NEBL: variants seen among roughly 807,000 people sequenced by gnomAD.
NEBL encodes the protein LIM and SH3 protein 2.
Under a neutral mutation model 140.2 loss-of-function variants are expected in NEBL, and 122 were observed. That is an observed-to-expected ratio of 0.87 (90% confidence interval 0.75 to 1.01). NEBL has a LOEUF of 1.01. NEBL is among the 50% of genes least tolerant of loss of function. The pLI is 0.00. For synonymous variants in NEBL, 436 were observed against 398.9 expected (o/e 1.09, Z -1.11); for missense variants, 1,365 against 1,231.3 (o/e 1.11, Z -1.62).
At chr10:21,127,497 A>G (rs927700216) in intron 2 of NEBL, among the ~76,000 whole-genome samples, 1 of 152,120 alleles carries the variant, frequency 6.6e-6, no homozygotes, top group Non-Finnish European at 1.5e-5. Context: ...ACAGACAGAT[A>G]CTATGTCTCT....
chr10:20,924,414 A>T (rs1010666037), intron 4 of NEBL, among the ~76,000 whole-genome samples: 2 of 24,920 alleles, frequency 8.0e-5, no homozygotes, highest in African/African-American at 2.6e-4. Flanking sequence ...GGCATGAAGT[A>T]AAAAAAAAAA....
chr10:20,896,955 T>A lies in NEBL; in HGVS notation c.153+3A>T. 1 of 1,613,614 alleles carries A rather than the reference T, an allele frequency of 6.2e-7. No homozygotes were observed. The highest frequency in any genetic ancestry group is 2.2e-5 in the East Asian group (1 of 44,862). The stretch of plus-strand genomic sequence containing the variant: ...TAAGACAAAAATTACTCCAGCCACT[T>A]ACATCGCTAATGAGTTCCGTGCATT... On this transcript the variant is annotated splice_donor_region_variant and intron_variant, in intron 2 of 27. Transcript: ENST00000377122.
chr10:20,855,483 CA>C (rs899113172), intron 9 of NEBL, among the ~76,000 whole-genome samples: 1 of 140,116 alleles, frequency 7.1e-6, no homozygotes, highest in African/African-American at 2.6e-5. Flanking sequence ...ATTTTAGTTA[CA>C]AAGAATTTCA....
intron 2 of NEBL, among the ~76,000 whole-genome samples, chr10:21,033,279 A>G (rs1039604111): frequency 3.3e-5 from 5 of 152,236 alleles, no homozygotes; most frequent in Non-Finnish European, 7.3e-5. Flanking sequence ...AAAACAGAAC[A>G]TTAGAAGCAC....
rs56366013 is a variant in NEBL, at chr10:21,113,290, T to TAAA, written c.164+59090_164+59092dup. On this transcript the variant is annotated intron_variant, in intron 2 of 6. Transcript: ENST00000417816. ...ACCAAGATCAAAAGGATGAGAATCC[T>TAAA]AAAAAAAAAAAAAAAACCAGGAAAA... is the stretch of plus-strand genomic sequence containing the variant. The TAAA allele has an allele frequency of 5.5e-4, 68 of 123,948 alleles. 1 individual carries two copies. Among genetic ancestry groups the TAAA allele is most frequent in the South Asian group, 9.0e-4 (8 of 8,862 alleles). 7.7% of individuals were successfully genotyped at this position (123,948 alleles called of 1,614,324 possible).
At chr10:21,079,657 T>C (rs757238916) in intron 2 of NEBL, among the ~76,000 whole-genome samples, 3 of 152,218 alleles carry the variant, frequency 2.0e-5, no homozygotes, top group Non-Finnish European at 4.4e-5. Context: ...ATAAGATCTA[T>C]GGTTCTCATC....
chr10:20,998,080 A>T lies in NEBL; in HGVS notation c.249+22037T>A, dbSNP rs566114768. On this transcript the variant is annotated intron_variant, in intron 3 of 6. Transcript: ENST00000417816. ...CCAAATATAAAAATTTCACCTAATG[A>T]AGAGATCCTGGAGAATTTTAAACCT... Among the ~76,000 whole-genome samples, 10 of 152,364 alleles carry T rather than the reference A, an allele frequency of 6.6e-5. No individual in the cohort carries two copies. In the East Asian group the frequency reaches 1.7e-3, roughly 26 times the overall value.
intron 1 of NEBL, among the ~76,000 whole-genome samples, chr10:21,255,083 G>A (rs554870956): frequency 7.2e-5 from 11 of 152,028 alleles, no homozygotes; most frequent in Non-Finnish European, 1.5e-4. Flanking sequence ...CCTCCGAAGG[G>A]CCCCAAACAA....
intron 14 of NEBL, among the ~76,000 whole-genome samples, chr10:20,832,342 T>C (rs1369452206): frequency 6.6e-6 from 1 of 152,184 alleles, no homozygotes; most frequent in Non-Finnish European, 1.5e-5. Context: ...GCTGAAACTA[T>C]ATCTCATTAT....
intron 26 of NEBL, among the ~76,000 whole-genome samples, chr10:20,796,884 A>G (rs1481829208): frequency 1.3e-5 from 2 of 152,352 alleles, no homozygotes; most frequent in African/African-American, 4.8e-5. Context: ...CAAAATCCAT[A>G]TGGTATATGT....
intron 2 of NEBL, among the ~76,000 whole-genome samples, chr10:21,081,667 A>G (rs1836375248): frequency 6.6e-6 from 1 of 152,210 alleles, no homozygotes; most frequent in Non-Finnish European, 1.5e-5. Flanking sequence ...ACTAAAAGGA[A>G]TCAAGCATCC....
intron 18 of NEBL, among the ~76,000 whole-genome samples, chr10:20,823,960 C>T (rs997244330): frequency 2.6e-5 from 4 of 152,098 alleles, no homozygotes; most frequent in African/African-American, 7.2e-5. Flanking sequence ...AAAAGCTCAC[C>T]TTTATCCTGG....
intron 5 of NEBL, among the ~76,000 whole-genome samples, chr10:20,876,583 A>G (rs1180058824): frequency 6.6e-6 from 1 of 152,172 alleles, no homozygotes; most frequent in East Asian, 1.9e-4. Context: ...ATCATTCTTG[A>G]AAAGAACAGT....
chr10:21,244,044 T>C (rs1842480932), intron 3 of NEBL, among the ~76,000 whole-genome samples: 1 of 152,148 alleles, frequency 6.6e-6, no homozygotes, highest in Non-Finnish European at 1.5e-5. Context: ...CAAGATGTGA[T>C]TTATTTTTAA....
intron 2 of NEBL, among the ~76,000 whole-genome samples, chr10:21,169,062 AAAAAAATATATAT>A (rs1177375173): frequency 7.8e-4 from 45 of 57,618 alleles, no homozygotes; most frequent in African/African-American, 2.1e-3. Flanking sequence ...AAAAAAAAAA[AAAAAAATATATAT>A]ATATATATAT....
Position 21,173,897 on chromosome 10 carries a change from C to G in NEBL, c.-64G>C. 7 of 1,580,356 alleles carry G rather than the reference C, an allele frequency of 4.4e-6. No individual in the cohort carries two copies. Among genetic ancestry groups the G allele is most frequent in the Non-Finnish European group, 6.0e-6 (7 of 1,169,046 alleles). On this transcript the variant is annotated 5_prime_UTR_variant, in exon 1 of 7. Transcript: ENST00000417816. The surrounding 1 kb of genome is among the most constrained non-coding windows in gnomAD (Gnocchi z 5.7). ...GGCTCCCAGGAGCCGCTGTGACATC[C>G]CCCGGCGAGCCCCGCACCGCCTCCT...
intron 3 of NEBL, among the ~76,000 whole-genome samples, chr10:20,997,277 A>C (rs532151711): frequency 6.6e-6 from 1 of 152,018 alleles, no homozygotes; most frequent in South Asian, 2.1e-4. Flanking sequence ...TGCCCTCTCA[A>C]TCTCTGACCA....
chr10:20,999,602 T>G (rs12570525), intron 3 of NEBL, among the ~76,000 whole-genome samples: 1 of 151,944 alleles, frequency 6.6e-6, no homozygotes, highest in African/African-American at 2.4e-5. Context: ...CTGTCTCACC[T>G]CACAAAAGAA....
intron 2 of NEBL, among the ~76,000 whole-genome samples, chr10:21,135,735 G>A (rs942760223): frequency 6.6e-6 from 1 of 152,166 alleles, no homozygotes. Flanking sequence ...CTTCTGTACA[G>A]GGAGGGGACT....
Sources: gnomAD v4.1 joint callset for allele counts (sites outside exome capture counted in the v4.1 genomes callset) on GRCh38, gnomAD v4.1.1 for gene constraint, Gnocchi (gnomAD v3.1) non-coding constraint, MANE v1.5 for transcripts, NCBI Gene and HGNC (gene_info 2026-07-23, HGNC 2026-07-21) for gene names.